Variants in DNM1 observed in about 807,000 individuals in gnomAD.
DNM1 encodes the protein dynamin 1.
DNM1 carries 29 observed loss-of-function variants against 104.6 expected under a neutral mutation model. The observed-to-expected ratio is 0.28, with a 90% confidence interval of 0.21 to 0.38. The LOEUF is 0.38. Ranked by LOEUF, DNM1 falls within the 10% of genes least tolerant of loss-of-function variation. The probability of loss-of-function intolerance (pLI) is 1.00; values close to 1 mark genes in which losing one functional copy is unlikely to be tolerated. For missense variants in DNM1, 640 were observed against 1,189.4 expected, an observed-to-expected ratio of 0.54 and a Z score of 6.79; for synonymous variants, 445 against 475.8, an observed-to-expected ratio of 0.94 and a Z score of 0.84.
rs900593769 is a variant in DNM1 at position 128,218,449 on chromosome 9, A to G, written c.236-133A>G. 3.0e-5 allele frequency: 42 copies of G among 1,402,438 alleles called. No individual in the cohort carries two copies. The Admixed American group carries it at 3.6e-4, about 12-fold the overall frequency. 86.9% of individuals were successfully genotyped at this position (1,402,438 alleles called of 1,614,324 possible). A position where few individuals can be genotyped will look rare whatever the true frequency, so the allele number is the denominator to read the frequency against. ...TTAGGGATAGCGGGGATCAAAATAC[A>G]TAATGGAGACGTGGGTGGTGGTTCT... On this transcript the variant is annotated intron_variant, in intron 2 of 21. Transcript: ENST00000372923. The surrounding 1 kb of genome is among the most constrained non-coding windows in gnomAD (Gnocchi z 4.8).
At chr9:128,234,974 G>A (rs1835922455) in intron 11 of DNM1, 5 of 151,424 alleles carry the variant, frequency 3.3e-5, no homozygotes, top group Admixed American at 3.3e-4. Flanking sequence ...TATATTTTTG[G>A]TAGAGATGGG....
chr9:128,247,304 G>A lies in DNM1; in HGVS notation c.1782-71G>A. The A allele has an allele frequency of 1.9e-6, 2 of 1,074,236 alleles. No homozygotes were observed. Among genetic ancestry groups the A allele is most frequent in the East Asian group, 2.6e-5 (1 of 38,760 alleles). 66.5% of individuals were successfully genotyped at this position (1,074,236 alleles called of 1,614,324 possible). A position where few individuals can be genotyped will look rare whatever the true frequency, so the allele number is the denominator to read the frequency against. ...CTCAGGCATGTTGACCCCAAAGTCT[G>A]GGCATGCCCTTAACCCCCAGGGAGG... On this transcript the variant is annotated intron_variant, in intron 16 of 21. Coordinates refer to ENST00000372923, the MANE Select transcript of DNM1 (RefSeq NM_004408.4). The surrounding 1 kb of genome is among the most constrained non-coding windows in gnomAD (Gnocchi z 5.1).
chr9:128,234,985 AT>A (rs1350528517), intron 11 of DNM1: 1 of 150,082 alleles, frequency 6.7e-6, no homozygotes, highest in Non-Finnish European at 1.5e-5. Context: ...TAGAGATGGG[AT>A]TTCACCATGT....
intron 1 of DNM1, among the ~76,000 whole-genome samples, chr9:128,212,475 A>C (rs2131119123): frequency 6.6e-6 from 1 of 152,144 alleles, no homozygotes; most frequent in East Asian, 1.9e-4. Context: ...ACCCGGCTGG[A>C]AGGAAGGAAG....
chr9:128,240,365 A>C lies in DNM1; in HGVS notation c.1557+369A>C. 1 of 270,350 alleles carries C rather than the reference A, an allele frequency of 3.7e-6. No homozygotes were observed. Among genetic ancestry groups the C allele is most frequent in the Non-Finnish European group, 7.2e-6 (1 of 139,668 alleles). 16.7% of individuals were successfully genotyped at this position (270,350 alleles called of 1,614,324 possible). A position where few individuals can be genotyped will look rare whatever the true frequency, so the allele number is the denominator to read the frequency against. On this transcript the variant is annotated intron_variant, in intron 14 of 21. Coordinates refer to ENST00000372923, the MANE Select transcript of DNM1 (RefSeq NM_004408.4). The surrounding 1 kb of genome is among the most constrained non-coding windows in gnomAD (Gnocchi z 5.1). Reference sequence around the variant, plus strand: ...CCTCCGGACTTGAATGAAGAGACGAATGAGAAGTCAAGAGAAGTCAAGAAG... The same window carrying C: ...CCTCCGGACTTGAATGAAGAGACGACTGAGAAGTCAAGAGAAGTCAAGAAG...
At chr9:128,214,431 T>C (rs1298373705) in intron 1 of DNM1, among the ~76,000 whole-genome samples, 1 of 152,068 alleles carries the variant, frequency 6.6e-6, no homozygotes, top group Non-Finnish European at 1.5e-5. Flanking sequence ...AGAGGAGGCA[T>C]AGAAGAATGA....
At chr9:128,235,418 C>T (rs551060471) in intron 11 of DNM1, among the ~76,000 whole-genome samples, 8 of 151,448 alleles carry the variant, frequency 5.3e-5, no homozygotes, top group East Asian at 2.0e-4. Context: ...CACTTGAACC[C>T]GGGAGGCAGA....
chr9:128,221,423 G>A (rs574475709), intron 6 of DNM1, among the ~76,000 whole-genome samples: 2 of 152,244 alleles, frequency 1.3e-5, no homozygotes, highest in African/African-American at 4.8e-5. Context: ...TCTGTAAAAT[G>A]GAGACAATGG....
At chr9:128,228,631 A>C (rs1276521301) in intron 10 of DNM1, among the ~76,000 whole-genome samples, 2 of 152,258 alleles carry the variant, frequency 1.3e-5, no homozygotes, top group East Asian at 3.8e-4. Context: ...TCGCAGAGAA[A>C]GAAAAGCAAA....
At position 128,254,098 on chromosome 9, in the gene DNM1, C is replaced by CG; in HGVS notation, c.2535-554dup. ...TTATAAGTCTATGGCCACTGGCATC[C>CG]GGCTGCCTGCCCTCCCTGCCTCCCC... On this transcript the variant is annotated intron_variant, in intron 21 of 21. Coordinates refer to ENST00000372923, the MANE Select transcript of DNM1 (RefSeq NM_004408.4). This position sits in a 1 kb window ranked among gnomAD's most constrained non-coding sequence, Gnocchi z 6.1. 1.6e-6 allele frequency: 2 copies of CG among 1,259,038 alleles called. No homozygotes were observed. Among genetic ancestry groups the CG allele is most frequent in the Non-Finnish European group, 2.0e-6 (2 of 1,006,844 alleles). The allele number at this position is 1,259,038 out of a possible 1,614,324, so 78.0% of individuals were successfully genotyped here. A position where few individuals can be genotyped will look rare whatever the true frequency, so the allele number is the denominator to read the frequency against.
intron 21 of DNM1, chr9:128,251,792 ACT>A (rs1483308547): frequency 9.8e-5 from 15 of 152,530 alleles, no homozygotes; most frequent in African/African-American, 2.7e-4. Flanking sequence ...TTGACCCATG[ACT>A]CTCTTTCAAG....
intron 11 of DNM1, among the ~76,000 whole-genome samples, chr9:128,237,639 A>C (rs1412531722): frequency 6.6e-6 from 1 of 152,192 alleles, no homozygotes; most frequent in African/African-American, 2.4e-5. Flanking sequence ...TTTCACCCTC[A>C]GATGGCCACT....
rs562099431 is a variant in DNM1 at position 128,250,009 on chromosome 9, C to A, written c.2077-106C>A. ...TCCAGTCTACGCAGTGTAGGAGCCG[C>A]GTCTGAAAAGCCACACCAGCTCACA... On this transcript the variant is annotated intron_variant, in intron 19 of 21. Transcript: ENST00000372923. 81 of 1,539,284 alleles carry A rather than the reference C, an allele frequency of 5.3e-5. No homozygotes were observed. In the African/African-American group the frequency reaches 9.2e-4, roughly 18 times the overall value.
In DNM1 at chr9:128,245,582, A is replaced by C. The variant is rs1400004187; in HGVS notation, c.1672-812A>C. ...CCCACACGCCTGTGCACAGATACAC[A>C]TAACTCCTCCCAGACAGCTCTAGAT... is the stretch of plus-strand genomic sequence containing the variant. On this transcript the variant is annotated intron_variant, in intron 15 of 21. Transcript: ENST00000372923. The surrounding 1 kb of genome is among the most constrained non-coding windows in gnomAD (Gnocchi z 5.2). Among the ~76,000 whole-genome samples the C allele has an allele frequency of 1.3e-5, 2 of 152,126 alleles. No individual in the cohort carries two copies. Among genetic ancestry groups the C allele is most frequent in the South Asian group, 2.1e-4 (1 of 4,826 alleles).
In DNM1 at chr9:128,247,530, G is replaced by A. The variant is rs750290701; in HGVS notation, c.1893+44G>A. ...AGAGGAAGGGCAAGCATGATCCTAG[G>A]GCCCCTGGGGCACCATCCTCAGTGA... On this transcript the variant is annotated intron_variant, in intron 17 of 21. Transcript: ENST00000372923. The surrounding 1 kb of genome is among the most constrained non-coding windows in gnomAD (Gnocchi z 5.1). The A allele has an allele frequency of 2.8e-6, 4 of 1,436,342 alleles. No homozygotes were observed. The Admixed American group carries it at 7.3e-5, about 26-fold the overall frequency. The allele number at this position is 1,436,342 out of a possible 1,614,324, so 89.0% of individuals were successfully genotyped here.
At chr9:128,244,294 A>C (rs1348904666) in intron 15 of DNM1, among the ~76,000 whole-genome samples, 3 of 150,212 alleles carry the variant, frequency 2.0e-5, no homozygotes, top group African/African-American at 7.4e-5. Context: ...CATGGGTGTG[A>C]GATTGAAAGT....
At chr9:128,217,939 G>T (rs916680429) in intron 1 of DNM1, among the ~76,000 whole-genome samples, 3 of 152,172 alleles carry the variant, frequency 2.0e-5, no homozygotes, top group African/African-American at 7.2e-5. Context: ...GGCTGAGTTG[G>T]GGCAGGGACT....
chr9:128,223,046 C>A (rs772073871), intron 9 of DNM1, 186 bp downstream of exon 9: 1 of 620,084 alleles, frequency 1.6e-6, no homozygotes, highest in East Asian at 2.9e-5. Context: ...ACCCGGGCCA[C>A]CCCGCCTACT....
At chr9:128,235,463 CA>C (rs1239059135) in intron 11 of DNM1, among the ~76,000 whole-genome samples, 1 of 151,002 alleles carries the variant, frequency 6.6e-6, no homozygotes, top group Non-Finnish European at 1.5e-5. Context: ...CATTGCACTC[CA>C]GCCTGGGCAA....
Sources: gnomAD v4.1 joint callset for allele counts (sites outside exome capture counted in the v4.1 genomes callset) on GRCh38, gnomAD v4.1.1 for gene constraint, Gnocchi (gnomAD v3.1) non-coding constraint, MANE v1.5 for transcripts, NCBI Gene and HGNC (gene_info 2026-07-23, HGNC 2026-07-21) for gene names.